The following PIK3R3 variants were observed in gnomAD, a reference collection of about 807,000 sequenced individuals.
PIK3R3 encodes phosphoinositide-3-kinase regulatory subunit 3.
PIK3R3 carries 64 observed loss-of-function variants against 62.9 expected under a neutral mutation model. The observed-to-expected ratio is 1.02, with a 90% CI of 0.83 to 1.25. PIK3R3 has a LOEUF of 1.25. Among genes scored for constraint, PIK3R3 ranks in the 50% most tolerant of loss-of-function variants. PIK3R3 has a pLI of 0.00. For missense variants in PIK3R3, 614 were observed against 561.6 expected (o/e 1.09, Z -0.94); for synonymous variants, 165 against 189.0 (o/e 0.87, Z 1.04).
the PIK3R3 span, among the ~76,000 whole-genome samples, chr1:46,152,278 A>T: frequency 6.6e-6 from 1 of 152,158 alleles, no homozygotes; most frequent in African/African-American, 2.4e-5. Context: ...TCACTTCTCC[A>T]TATCGGGTAT....
rs1030928632 is a variant in PIK3R3 at position 46,132,115 on chromosome 1, C to G, written c.-163G>C. On this transcript the variant is annotated 5_prime_UTR_variant, in exon 1 of 10. Transcript: ENST00000262741. ...TCCGGCCAAACTACCCGAACAGGGT[C>G]CTCCCCCTCTCTCCTACAGAACACA... 22 of 1,414,318 alleles carry G rather than the reference C, an allele frequency of 1.6e-5. No homozygotes were observed. Among genetic ancestry groups the G allele is most frequent in the Non-Finnish European group, 2.0e-5 (22 of 1,088,736 alleles). 87.6% of individuals were successfully genotyped at this position (1,414,318 alleles called of 1,614,324 possible).
intron 3 of PIK3R3, among the ~76,000 whole-genome samples, chr1:46,067,803 T>C (rs184386134): frequency 2.4e-3 from 362 of 152,334 alleles, no homozygotes; most frequent in African/African-American, 8.1e-3. Flanking sequence ...ATTAGATGAA[T>C]GTAATTTCAT....
intron 4 of PIK3R3, 93 bp downstream of exon 4, chr1:46,066,818 T>C (rs943987580): frequency 2.8e-6 from 3 of 1,056,484 alleles, no homozygotes; most frequent in Non-Finnish European, 4.3e-6. Context: ...AAATGGCTAG[T>C]TTTTTAAAAC....
At chr1:46,153,598 C>T in the PIK3R3 span, among the ~76,000 whole-genome samples, 1 of 152,204 alleles carries the variant, frequency 6.6e-6, no homozygotes. Context: ...CTGACTTCCT[C>T]CTCTCTTTCC....
chr1:46,164,585 C>T, the PIK3R3 span, among the ~76,000 whole-genome samples: 1 of 152,134 alleles, frequency 6.6e-6, no homozygotes, highest in South Asian at 2.1e-4. Context: ...GCCGAGATTG[C>T]GCCATTGCAC....
intron 1 of PIK3R3, 24 bp downstream of exon 1, chr1:46,131,823 T>G (rs1557642782): frequency 1.3e-5 from 21 of 1,585,900 alleles, no homozygotes; most frequent in Non-Finnish European, 1.7e-5. Flanking sequence ...ATCACGAGAT[T>G]CTTTTTTTTT....
chr1:46,057,503 T>G (rs996818957), intron 6 of PIK3R3: 4 of 152,476 alleles, frequency 2.6e-5, no homozygotes, highest in African/African-American at 9.7e-5. Flanking sequence ...GTGGGAAAGT[T>G]TGGAACTTCC....
intron 2 of PIK3R3, among the ~76,000 whole-genome samples, chr1:46,078,138 T>C (rs1412092386): frequency 1.3e-5 from 2 of 152,152 alleles, no homozygotes; most frequent in African/African-American, 4.8e-5. Context: ...TTAAAGGAAA[T>C]GGCAGGGCAT....
chr1:46,165,823 G>C, the PIK3R3 span, among the ~76,000 whole-genome samples: 3 of 121,214 alleles, frequency 2.5e-5, no homozygotes, highest in African/African-American at 6.3e-5. Context: ...CCAGGTTGGA[G>C]TGCAGTGGCG....
Position 46,041,209 on chromosome 1 carries a change from C to T in PIK3R3, c.*2464G>A, listed in dbSNP as rs866907626. On this transcript the variant is annotated 3_prime_UTR_variant, in exon 10 of 10. Coordinates refer to ENST00000262741, the MANE Select transcript of PIK3R3 (RefSeq NM_003629.4). Reference sequence around the variant, plus strand: ...AGAGAAGCACCTTGCTACCCTCTCCCCCTCTACACACCAGGCCCAGTGGGT... The same window carrying T: ...AGAGAAGCACCTTGCTACCCTCTCCTCCTCTACACACCAGGCCCAGTGGGT... The T allele has an allele frequency of 6.5e-6, 1 of 153,844 alleles. No homozygotes were observed. Among genetic ancestry groups the T allele is most frequent in the Admixed American group, 6.5e-5 (1 of 15,304 alleles). 9.5% of individuals were successfully genotyped at this position (153,844 alleles called of 1,614,324 possible).
At chr1:46,158,654 A>G in the PIK3R3 span, among the ~76,000 whole-genome samples, 1 of 152,264 alleles carries the variant, frequency 6.6e-6, no homozygotes, top group Non-Finnish European at 1.5e-5. Context: ...ACATTTAGTG[A>G]CTGATTAACA....
chr1:46,125,604 G>C (rs1655021250), intron 1 of PIK3R3, among the ~76,000 whole-genome samples: 1 of 152,134 alleles, frequency 6.6e-6, no homozygotes, highest in Non-Finnish European at 1.5e-5. Flanking sequence ...AATTGTGCCA[G>C]GTTGAAAATA....
intron 1 of PIK3R3, among the ~76,000 whole-genome samples, chr1:46,115,539 C>A (rs1477529452): frequency 6.6e-6 from 1 of 152,180 alleles, no homozygotes; most frequent in Non-Finnish European, 1.5e-5. Flanking sequence ...ATGGTCCATA[C>A]TGCATATATT....
the PIK3R3 span, among the ~76,000 whole-genome samples, chr1:46,143,695 C>T: frequency 1.2e-4 from 19 of 152,132 alleles, no homozygotes; most frequent in Middle Eastern, 3.4e-3. Context: ...GTTGCCCAGG[C>T]CAGTATCAAA....
At chr1:46,047,687 C>T (rs1647153334) in intron 7 of PIK3R3, among the ~76,000 whole-genome samples, 1 of 152,192 alleles carries the variant, frequency 6.6e-6, no homozygotes, top group Non-Finnish European at 1.5e-5. Flanking sequence ...CCAACTAAGG[C>T]AGTCCCCAGT....
chr1:46,130,720 GAC>G (rs1236640811), intron 1 of PIK3R3, among the ~76,000 whole-genome samples: 1 of 152,160 alleles, frequency 6.6e-6, no homozygotes, highest in Non-Finnish European at 1.5e-5. Flanking sequence ...GTTCCCCAAT[GAC>G]ACACATTTTA....
At chr1:46,127,693 G>A (rs769828064) in intron 1 of PIK3R3, among the ~76,000 whole-genome samples, 66 of 152,230 alleles carry the variant, frequency 4.3e-4, no homozygotes, top group Non-Finnish European at 6.9e-4. Flanking sequence ...GCGATTCTCT[G>A]TACTACAATC....
At chr1:46,085,932 G>T (rs1310065862) in intron 1 of PIK3R3, among the ~76,000 whole-genome samples, 1 of 151,988 alleles carries the variant, frequency 6.6e-6, no homozygotes, top group Non-Finnish European at 1.5e-5. Context: ...GTGAGACAGG[G>T]TCTCATTACG....
chr1:46,076,201 C>A (rs1650050715), intron 3 of PIK3R3, among the ~76,000 whole-genome samples: 2 of 152,092 alleles, frequency 1.3e-5, no homozygotes, highest in Admixed American at 6.5e-5. Context: ...TTAATCATCA[C>A]ATATATTAAG....
Sources: gnomAD v4.1 joint callset for allele counts (sites outside exome capture counted in the v4.1 genomes callset) on GRCh38, gnomAD v4.1.1 for gene constraint, MANE v1.5 for transcripts, NCBI Gene and HGNC (gene_info 2026-07-23, HGNC 2026-07-21) for gene names.